HNRNPH1: variants seen among roughly 807,000 people sequenced by gnomAD.
HNRNPH1 encodes heterogeneous nuclear ribonucleoprotein H1.
Under a neutral mutation model 58.6 loss-of-function variants are expected in HNRNPH1, and 4 were observed. That is an observed-to-expected ratio of 0.07 (90% confidence interval 0.03 to 0.16). The LOEUF (loss-of-function observed/expected upper bound fraction) is 0.16, where lower values mean the gene tolerates loss of function less well. HNRNPH1 is among the 10% of genes least tolerant of loss of function. The pLI, the probability that HNRNPH1 is intolerant of heterozygous loss-of-function variation, is 1.00. For missense variants in HNRNPH1, 271 were observed against 564.2 expected (o/e 0.48, Z 5.26); for synonymous variants, 192 against 189.2 (o/e 1.01, Z -0.12).
rs558596766 is a variant in HNRNPH1 at position 179,620,558 on chromosome 5, T to C, written c.397+334A>G. 546 of 142,956 alleles carry C rather than the reference T, an allele frequency of 3.8e-3. 2 individuals carry two copies. The highest frequency in any genetic ancestry group is 3.9e-3 in the Non-Finnish European group (299 of 76,366). 8.9% of individuals were successfully genotyped at this position (142,956 alleles called of 1,614,324 possible). A position where few individuals can be genotyped will look rare whatever the true frequency, so the allele number is the denominator to read the frequency against. On this transcript the variant is annotated intron_variant, in intron 3 of 12. Transcript: ENST00000356731. The stretch of plus-strand genomic sequence containing the variant: ...ACAACAACCTAATTCATCGCACTGA[T>C]GATCTGCTGGTAAAGGGATCTTACC...
chr5:179,626,836 C>T (rs1404382125), upstream of HNRNPH1, among the ~76,000 whole-genome samples: 3 of 144,784 alleles, frequency 2.1e-5, no homozygotes, highest in South Asian at 2.2e-4. Context: ...AGTACAATGG[C>T]GCGATCTCCG....
chr5:179,627,921 C>CAAA (rs574977616), upstream of HNRNPH1, among the ~76,000 whole-genome samples: 3 of 126,678 alleles, frequency 2.4e-5, no homozygotes, highest in African/African-American at 6.2e-5. Context: ...GATTCCATTG[C>CAAA]AAAAAAAAAA....
At chr5:179,624,483 C>T in exon 1 of HNRNPH1, 2 of 398,646 alleles carry the variant, frequency 5.0e-6, no homozygotes, top group Admixed American at 4.4e-5. Context: ...GGAGGGATCG[C>T]GAGCGCGGGC....
intron 1 of HNRNPH1, chr5:179,621,798 A>G: frequency 2.6e-6 from 1 of 378,126 alleles, no homozygotes; most frequent in Middle Eastern, 3.7e-4. Context: ...CAGTAGCCAC[A>G]TTACGGTTTC....
At chr5:179,625,659 C>CA (rs372265224), upstream of HNRNPH1, among the ~76,000 whole-genome samples, 1,740 of 105,806 alleles carry the variant, frequency 0.016, 25 homozygotes, top group Middle Eastern at 0.068. Flanking sequence ...AACTCCGTCT[C>CA]AAAAAAAAAA....
rs1442753503 is a variant in HNRNPH1, at chr5:179,616,108, G to C, written c.1300+18C>G. ...TTTACCATAACTTACTCTAAGTACA[G>C]TAACAAACAGGCTTTACCGTATCCA... On this transcript the variant is annotated intron_variant, in intron 11 of 12. Transcript: ENST00000356731. 1 of 1,594,360 alleles carries C rather than the reference G, an allele frequency of 6.3e-7. No homozygotes were observed.
At chr5:179,621,567 A>T (rs1421674862) in intron 1 of HNRNPH1, 170 bp from the exon 3 acceptor site, 11 of 599,462 alleles carry the variant, frequency 1.8e-5, no homozygotes, top group Non-Finnish European at 3.2e-5. Flanking sequence ...AAAAAAACAA[A>T]CTCATTCCTA....
At chr5:179,632,845 C>T (rs1194730766) in intron 2 of HNRNPH1, among the ~76,000 whole-genome samples, 33 of 138,266 alleles carry the variant, frequency 2.4e-4, no homozygotes, top group African/African-American at 8.1e-4. Context: ...CCACCAAGCC[C>T]GGCGAATTTT....
At chr5:179,621,218 T>C in intron 2 of HNRNPH1, 24 bp downstream of exon 3, 1 of 1,606,434 alleles carries the variant, frequency 6.2e-7, no homozygotes, top group Non-Finnish European at 8.5e-7. Flanking sequence ...TTATTTACTG[T>C]AACTAGGGCA....
chr5:179,621,087 T>G, intron 2 of HNRNPH1, 52 bp from the exon 4 acceptor site: 1 of 1,588,666 alleles, frequency 6.3e-7, no homozygotes, highest in Non-Finnish European at 8.6e-7. Flanking sequence ...ATAACAAAGT[T>G]CAGACTTCCT....
exon 1 of HNRNPH1, chr5:179,623,362 T>G (rs1773675311): frequency 5.6e-6 from 2 of 358,624 alleles, no homozygotes; most frequent in Non-Finnish European, 1.1e-5. Flanking sequence ...CCCCGAACCG[T>G]GGGGGCCCGG....
At chr5:179,622,999 C>A (rs1562329452) in intron 1 of HNRNPH1, 38 bp downstream of exon 2, 6 of 969,502 alleles carry the variant, frequency 6.2e-6, no homozygotes, top group Non-Finnish European at 7.0e-6. Flanking sequence ...CCCGCCCCGG[C>A]CTCGAACTCG....
Position 179,633,605 on chromosome 5 carries a change from C to T in HNRNPH1, c.-32+460G>A, listed in dbSNP as rs1043060000. Among the ~76,000 whole-genome samples the T allele has an allele frequency of 2.0e-5, 3 of 151,950 alleles. 1 individual carries two copies. Among genetic ancestry groups the T allele is most frequent in the Non-Finnish European group, 4.4e-5 (3 of 68,006 alleles). Reference sequence around the variant, plus strand: ...GGGATTACGGGCGTGAGCCACCGTGCCCTGCCTGTCCAAAAAATAAAATAA... The same window carrying T: ...GGGATTACGGGCGTGAGCCACCGTGTCCTGCCTGTCCAAAAAATAAAATAA... On this transcript the variant is annotated intron_variant, in intron 2 of 4. Transcript: ENST00000521116.
chr5:179,621,098 G>A, intron 2 of HNRNPH1, 63 bp from the exon 4 acceptor site: 1 of 1,567,058 alleles, frequency 6.4e-7, no homozygotes, highest in Non-Finnish European at 8.8e-7. Flanking sequence ...CAGACTTCCT[G>A]GGTCTTTAGA....
chr5:179,615,733 T>C (rs2127601448), intron 11 of HNRNPH1, 138 bp from the exon 13 acceptor site: 1 of 546,052 alleles, frequency 1.8e-6, no homozygotes, highest in African/African-American at 1.9e-5. Context: ...CATTCTACTA[T>C]TTCAAATTCT....
chr5:179,621,886 C>G (rs753956302), intron 1 of HNRNPH1: 1 of 454,398 alleles, frequency 2.2e-6, no homozygotes, highest in Admixed American at 2.4e-5. Context: ...CTCCAAGTTG[C>G]ACAGCTGAAG....
chr5:179,632,717 G>C lies in HNRNPH1; in HGVS notation c.-32+1348C>G, dbSNP rs1774945461. Among the ~76,000 whole-genome samples, 2 of 148,380 alleles carry C rather than the reference G, an allele frequency of 1.3e-5. 1 individual carries two copies. The highest frequency in any genetic ancestry group is 3.0e-5 in the Non-Finnish European group (2 of 67,256). On this transcript the variant is annotated intron_variant, in intron 2 of 4. Transcript: ENST00000521116. ...CGGGTGCGAACCTCCCAAGGCTTCA[G>C]CCAGGTCACTCACTGTCTAAAGCCA...
At chr5:179,615,831 T>C (rs553764372) in intron 11 of HNRNPH1, 3 of 519,490 alleles carry the variant, frequency 5.8e-6, no homozygotes, top group Admixed American at 7.2e-5. Flanking sequence ...AGGCAGATAT[T>C]TTCTGGCTCG....
exon 2 of HNRNPH1, chr5:179,634,131 T>TTC (rs1775066008): frequency 1.4e-5 from 2 of 143,416 alleles, no homozygotes; most frequent in Non-Finnish European, 3.0e-5. Flanking sequence ...CAGGTGCCAC[T>TTC]GCACAGACTC....
Sources: allele counts gnomAD v4.1 joint callset (sites outside exome capture counted in the v4.1 genomes callset), GRCh38; gene constraint gnomAD v4.1.1; transcripts MANE v1.5; gene names NCBI Gene and HGNC (gene_info 2026-07-23, HGNC 2026-07-21).